RBFOX1: variants seen among roughly 807,000 people sequenced by gnomAD.
RBFOX1 encodes RNA binding protein fox-1 homolog 1.
In RBFOX1, 8 loss-of-function variants were observed where a neutral mutation model predicts 57.7. That is an observed-to-expected ratio of 0.14 (90% CI 0.08 to 0.25). The LOEUF (loss-of-function observed/expected upper bound fraction) is 0.25. Among genes scored for constraint, RBFOX1 ranks in the 10% least tolerant of loss-of-function variants. The probability of loss-of-function intolerance (pLI) is 1.00; values close to 1 mark genes in which losing one functional copy is unlikely to be tolerated. For synonymous variants in RBFOX1, 326 were observed against 222.4 expected (o/e 1.47, Z -4.15); for missense variants, 611 against 548.5 (o/e 1.11, Z -1.14).
chr16:7,401,360 C>T (rs768179359), intron 4 of RBFOX1, among the ~76,000 whole-genome samples: 10 of 152,180 alleles, frequency 6.6e-5, no homozygotes, highest in Non-Finnish European at 1.3e-4. Flanking sequence ...GAGTATTTAG[C>T]AGTTGTTCCA....
At chr16:6,535,736 C>G (rs944136424) in intron 2 of RBFOX1, among the ~76,000 whole-genome samples, 1 of 152,152 alleles carries the variant, frequency 6.6e-6, no homozygotes, top group African/African-American at 2.4e-5. Context: ...TGGAAGGAAG[C>G]CTCTTTCATC....
chr16:7,343,937 C>G (rs2096944396), intron 4 of RBFOX1, among the ~76,000 whole-genome samples: 1 of 152,072 alleles, frequency 6.6e-6, no homozygotes. Context: ...AATGTATTTA[C>G]AAGTTTATTT....
chr16:6,551,693 A>T (rs1322261937), intron 2 of RBFOX1, among the ~76,000 whole-genome samples: 1 of 152,186 alleles, frequency 6.6e-6, no homozygotes, highest in African/African-American at 2.4e-5. Context: ...AGACTATTAA[A>T]AGATTAGAGC....
chr16:6,890,448 G>T (rs138452127), intron 3 of RBFOX1, among the ~76,000 whole-genome samples: 1 of 152,178 alleles, frequency 6.6e-6, no homozygotes, highest in African/African-American at 2.4e-5. Context: ...AAACCCAGAT[G>T]GCAGAGATTT....
intron 1 of RBFOX1, among the ~76,000 whole-genome samples, chr16:6,234,093 G>A (rs945687566): frequency 6.6e-6 from 1 of 152,120 alleles, no homozygotes; most frequent in African/African-American, 2.4e-5. Flanking sequence ...TTTTATAAGA[G>A]CATTCATCCC....
At chr16:7,344,004 A>G (rs570998665) in intron 4 of RBFOX1, among the ~76,000 whole-genome samples, 8 of 151,998 alleles carry the variant, frequency 5.3e-5, no homozygotes, top group Non-Finnish European at 1.2e-4. Flanking sequence ...TAATAGCCTC[A>G]ATCTTGAGTG....
intron 3 of RBFOX1, among the ~76,000 whole-genome samples, chr16:6,749,413 G>C (rs1043999492): frequency 6.6e-6 from 1 of 152,286 alleles, no homozygotes; most frequent in Middle Eastern, 3.4e-3. Flanking sequence ...GATGGACCCT[G>C]GTTCTTGCTG....
At chr16:5,895,254 A>G (rs2058137665) in intron 4 of RBFOX1, among the ~76,000 whole-genome samples, 1 of 152,232 alleles carries the variant, frequency 6.6e-6, no homozygotes, top group South Asian at 2.1e-4. Flanking sequence ...GGATGATAAA[A>G]TAATGTGGTC....
At chr16:7,072,537 T>C (rs1003158319) in intron 4 of RBFOX1, among the ~76,000 whole-genome samples, 18 of 152,342 alleles carry the variant, frequency 1.2e-4, no homozygotes, top group East Asian at 3.9e-4. Flanking sequence ...CCAGTGGCTA[T>C]TGTTTTTTGT....
At chr16:6,814,296 G>T (rs915863413) in intron 3 of RBFOX1, among the ~76,000 whole-genome samples, 10 of 152,090 alleles carry the variant, frequency 6.6e-5, no homozygotes, top group African/African-American at 2.4e-4. Flanking sequence ...GTCCTTTTCT[G>T]ATCTTCAAAC....
chr16:7,560,736 G>A (rs78784444), intron 5 of RBFOX1, among the ~76,000 whole-genome samples: 7,367 of 152,084 alleles, frequency 0.048, 283 homozygotes, highest in South Asian at 0.11. Context: ...GCTTCTCATT[G>A]GAGCCACAAA....
chr16:7,464,585 C>T (rs1389082461), intron 4 of RBFOX1, among the ~76,000 whole-genome samples: 1 of 151,788 alleles, frequency 6.6e-6, no homozygotes, highest in Non-Finnish European at 1.5e-5. Flanking sequence ...GTGTTTGGCT[C>T]TCCATTTCGT....
intron 1 of RBFOX1, among the ~76,000 whole-genome samples, chr16:5,458,149 A>T (rs1006400195): frequency 3.3e-5 from 5 of 152,252 alleles, no homozygotes; most frequent in African/African-American, 1.2e-4. Context: ...CATTAAGTGA[A>T]TTAAATATTA....
At chr16:5,801,012 C>A (rs2055038720) in intron 3 of RBFOX1, among the ~76,000 whole-genome samples, 1 of 152,126 alleles carries the variant, frequency 6.6e-6, no homozygotes, top group Admixed American at 6.5e-5. Context: ...AGAGTGGGAT[C>A]TTCTACCCCA....
intron 4 of RBFOX1, among the ~76,000 whole-genome samples, chr16:7,441,457 G>T (rs556140352): frequency 1.3e-5 from 2 of 152,250 alleles, no homozygotes; most frequent in Admixed American, 6.5e-5. Context: ...GGACTCTAGG[G>T]ATTCATGGAT....
chr16:5,698,918 T>G (rs1183725872), intron 3 of RBFOX1, among the ~76,000 whole-genome samples: 1 of 152,184 alleles, frequency 6.6e-6, no homozygotes, highest in Non-Finnish European at 1.5e-5. Context: ...TTCCTATTTC[T>G]TTCTTTCCCA....
intron 3 of RBFOX1, among the ~76,000 whole-genome samples, chr16:6,977,088 TTTTA>T (rs1477230793): frequency 7.1e-6 from 1 of 140,474 alleles, no homozygotes; most frequent in African/African-American, 2.6e-5. Flanking sequence ...ATGATCTATA[TTTTA>T]TATATATATC....
At chr16:7,295,062 G>C (rs12919782) in intron 4 of RBFOX1, among the ~76,000 whole-genome samples, 39,435 of 151,978 alleles carry the variant, frequency 0.26, 5,285 homozygotes, top group Middle Eastern at 0.35. Context: ...CATGTATTAC[G>C]CTTGTCAGTC....
intron 4 of RBFOX1, among the ~76,000 whole-genome samples, chr16:7,138,321 A>G (rs1272855987): frequency 6.6e-6 from 1 of 152,224 alleles, no homozygotes; most frequent in East Asian, 1.9e-4. Flanking sequence ...GACTCATTAA[A>G]TAAGACCAAG....
Sources: gnomAD v4.1 joint callset for allele counts (sites outside exome capture counted in the v4.1 genomes callset) on GRCh38, gnomAD v4.1.1 for gene constraint, MANE v1.5 for transcripts, NCBI Gene and HGNC (gene_info 2026-07-23, HGNC 2026-07-21) for gene names.